SLAIN2: variants seen among roughly 807,000 people sequenced by gnomAD.
The protein encoded by SLAIN2 is SLAIN family member 2.
Under a neutral mutation model 56.6 loss-of-function variants are expected in SLAIN2, and 31 were observed. The ratio of observed to expected loss-of-function variants is 0.55; its 90% CI spans 0.41 to 0.74. The LOEUF is 0.74. Among genes scored for constraint, SLAIN2 ranks in the 30% least tolerant of loss-of-function variants. The probability of loss-of-function intolerance (pLI) is 0.00; values close to 1 mark genes in which losing one functional copy is unlikely to be tolerated. For missense variants in SLAIN2, 777 were observed against 754.2 expected (o/e 1.03, Z -0.35); for synonymous variants, 317 against 284.9 (o/e 1.11, Z -1.13).
At chr4:48,389,429 T>C (rs1299718860) in intron 6 of SLAIN2, among the ~76,000 whole-genome samples, 4 of 152,210 alleles carry the variant, frequency 2.6e-5, no homozygotes, top group Admixed American at 6.5e-5. Flanking sequence ...CAGTCACTTA[T>C]GTGTTCCTTA....
Position 48,420,290 on chromosome 4 carries a change from C to G in SLAIN2, c.1526C>G (p.Thr509Arg), listed in dbSNP as rs1396070017. 3 of 1,613,938 alleles carry G rather than the reference C, an allele frequency of 1.9e-6. No homozygotes were observed. Among genetic ancestry groups the G allele is most frequent in the Non-Finnish European group, 2.5e-6 (3 of 1,179,874 alleles). Reference sequence around the variant, plus strand: ...CCTGGGCCTCCTATGGTTCAGAGCACAGTCTCAGCAAATCCTCCCAGCAAT... The same window carrying G: ...CCTGGGCCTCCTATGGTTCAGAGCAGAGTCTCAGCAAATCCTCCCAGCAAT... ...SSPGPPMVQS[T>R]VSANPPSNIN... is the part of the protein sequence containing the mutation. The change falls in exon 7 of 8, where the codon ACA becomes AGA. Residue 509 changes from threonine to arginine, a missense_variant. Physicochemically the swap from Thr to Arg is moderately conservative, Grantham distance 71 (BLOSUM62 -1). Transcript: ENST00000264313.
intron 6 of SLAIN2, among the ~76,000 whole-genome samples, chr4:48,418,639 T>G (rs889291524): frequency 2.6e-5 from 4 of 152,226 alleles, no homozygotes; most frequent in Non-Finnish European, 5.9e-5. Context: ...TTTCTAGTTT[T>G]GGTATCTCAG....
chr4:48,389,620 C>T (rs1201857185), intron 6 of SLAIN2, among the ~76,000 whole-genome samples: 1 of 152,194 alleles, frequency 6.6e-6, no homozygotes, highest in Non-Finnish European at 1.5e-5. Flanking sequence ...AAAGATATCT[C>T]AGCCAGCTCA....
chr4:48,347,082 A>G (rs979960858), intron 1 of SLAIN2, among the ~76,000 whole-genome samples: 1 of 151,786 alleles, frequency 6.6e-6, no homozygotes, highest in African/African-American at 2.4e-5. Context: ...CAGTGTTGGG[A>G]ACATTGAGAG....
At chr4:48,413,384 G>A (rs1477670433) in intron 6 of SLAIN2, among the ~76,000 whole-genome samples, 1 of 152,174 alleles carries the variant, frequency 6.6e-6, no homozygotes, top group Non-Finnish European at 1.5e-5. Context: ...TGTGGTTGTG[G>A]TAATTTCCCT....
chr4:48,406,393 A>G (rs1716695377), intron 6 of SLAIN2, among the ~76,000 whole-genome samples: 1 of 152,044 alleles, frequency 6.6e-6, no homozygotes, highest in South Asian at 2.1e-4. Flanking sequence ...TTAGCAACAC[A>G]TAGAATTAGA....
In SLAIN2 at chr4:48,369,962, A is replaced by G. The variant is rs1426191075; in HGVS notation, c.503A>G (p.Lys168Arg). ...YPSPDVECAK[K>R]SLIHKLDQTM... ...AGTCCTGATGTTGAGTGTGCTAAAA[A>G]ATCTCTTATCCACAAACTTGATCAA... The change falls in exon 2 of 8, where the codon AAA (lysine) becomes AGA (arginine). Residue 168 changes from lysine (K) to arginine (R), a missense_variant. Coordinates refer to ENST00000264313, the MANE Select transcript of SLAIN2 (RefSeq NM_020846.2). 1 of 1,613,598 alleles carries G rather than the reference A, an allele frequency of 6.2e-7. No homozygotes were observed. The highest frequency in any genetic ancestry group is 1.3e-5 in the African/African-American group (1 of 75,024).
In SLAIN2 at chr4:48,342,782, T is replaced by C. The variant is rs141079259; in HGVS notation, c.389+654T>C. 6.5e-3 allele frequency among the ~76,000 whole-genome samples: 965 copies of C among 149,054 alleles called. 3 individuals are homozygous for C. Among genetic ancestry groups the C allele is most frequent in the Non-Finnish European group, 9.8e-3 (662 of 67,348 alleles). ...AGGGTGGAACGAGCCCTGGCTCTTA[T>C]TTTCTAAAACAAGAATTGAGTCTGG... is the stretch of plus-strand genomic sequence containing the variant. On this transcript the variant is annotated intron_variant, in intron 1 of 7. Transcript: ENST00000264313.
chr4:48,422,383 TG>T lies in SLAIN2; in HGVS notation c.*308del. The T allele has an allele frequency of 4.1e-6, 1 of 243,820 alleles. No homozygotes were observed. The highest frequency in any genetic ancestry group is 8.4e-5 in the East Asian group (1 of 11,904). 15.1% of individuals were successfully genotyped at this position (243,820 alleles called of 1,614,324 possible). A position where few individuals can be genotyped will look rare whatever the true frequency, so the allele number is the denominator to read the frequency against. Reference sequence around the variant, plus strand: ...GGCCAATATCTGGGCAAATACCTAATGGATGCCAAAGAGAAATGCCCATTTG... The same window carrying T: ...GGCCAATATCTGGGCAAATACCTAATGATGCCAAAGAGAAATGCCCATTTG... On this transcript the variant is annotated 3_prime_UTR_variant, in exon 8 of 8. Transcript: ENST00000264313.
At chr4:48,384,231 A>G (rs1371411038) in intron 6 of SLAIN2, among the ~76,000 whole-genome samples, 1 of 152,168 alleles carries the variant, frequency 6.6e-6, no homozygotes, top group South Asian at 2.1e-4. Context: ...AAAATAATCC[A>G]TTGTTCAAAC....
intron 2 of SLAIN2, among the ~76,000 whole-genome samples, chr4:48,373,368 A>G (rs936653929): frequency 6.6e-6 from 1 of 152,076 alleles, no homozygotes; most frequent in Admixed American, 6.6e-5. Context: ...TTTTAGGTTT[A>G]GGTTGCCCCA....
intron 1 of SLAIN2, among the ~76,000 whole-genome samples, chr4:48,355,181 A>C (rs1459689388): frequency 6.6e-6 from 1 of 152,196 alleles, no homozygotes; most frequent in Non-Finnish European, 1.5e-5. Flanking sequence ...CACCCAGCCA[A>C]AAATTTTCAT....
At chr4:48,345,128 C>T (rs1294574059) in intron 1 of SLAIN2, among the ~76,000 whole-genome samples, 5 of 152,172 alleles carry the variant, frequency 3.3e-5, no homozygotes, top group Non-Finnish European at 7.3e-5. Context: ...AATGATGGCA[C>T]CAGGATTTGA....
intron 6 of SLAIN2, among the ~76,000 whole-genome samples, chr4:48,399,696 A>G (rs747272497): frequency 1.3e-5 from 2 of 152,162 alleles, no homozygotes; most frequent in African/African-American, 2.4e-5. Flanking sequence ...TAGTATATTG[A>G]GAGTTTTTAA....
chr4:48,419,006 TTA>T (rs1302714591), intron 6 of SLAIN2, among the ~76,000 whole-genome samples: 1 of 152,256 alleles, frequency 6.6e-6, no homozygotes, highest in Non-Finnish European at 1.5e-5. Context: ...TACAAATTGT[TTA>T]TCCATTCATG....
intron 1 of SLAIN2, among the ~76,000 whole-genome samples, chr4:48,367,395 A>C (rs1221042964): frequency 6.6e-6 from 1 of 152,232 alleles, no homozygotes; most frequent in Non-Finnish European, 1.5e-5. Flanking sequence ...ATAAGTGTGG[A>C]CAAGTTGCTT....
intron 6 of SLAIN2, among the ~76,000 whole-genome samples, chr4:48,392,226 C>T (rs1716252222): frequency 1.3e-5 from 2 of 152,056 alleles, no homozygotes; most frequent in Non-Finnish European, 2.9e-5. Context: ...CTTTCTGTAT[C>T]AGGTGAATTT....
At chr4:48,398,321 T>A (rs1223105272) in intron 6 of SLAIN2, among the ~76,000 whole-genome samples, 1 of 152,236 alleles carries the variant, frequency 6.6e-6, no homozygotes. Flanking sequence ...TTATGTTCTT[T>A]GCCTACTTTT....
chr4:48,348,557 G>A (rs1441435608), intron 1 of SLAIN2, among the ~76,000 whole-genome samples: 2 of 152,048 alleles, frequency 1.3e-5, no homozygotes, highest in African/African-American at 4.8e-5. Flanking sequence ...GGGCATGGTG[G>A]TGGGCGCCTG....
Sources: gnomAD v4.1 joint callset for allele counts (sites outside exome capture counted in the v4.1 genomes callset) on GRCh38, gnomAD v4.1.1 for gene constraint, MANE v1.5 for transcripts, NCBI Gene and HGNC (gene_info 2026-07-23, HGNC 2026-07-21) for gene names.